Variants in URB1 observed in about 807,000 individuals in gnomAD.
URB1 encodes the protein nucleolar pre-ribosomal-associated protein 1.
A neutral mutation model predicts 242.3 loss-of-function variants in URB1; 197 were observed. That is an observed-to-expected ratio of 0.81 (90% CI 0.72 to 0.91). URB1 has a LOEUF of 0.91. Among genes scored for constraint, URB1 ranks in the 40% least tolerant of loss-of-function variants. URB1 has a pLI of 0.00. For synonymous variants in URB1, 1,153 were observed against 1,201.8 expected (o/e 0.96, Z 0.84); for missense variants, 2,721 against 2,860.5 (o/e 0.95, Z 1.11).
chr21:32,370,955 C>T (rs577125150), intron 8 of URB1, among the ~76,000 whole-genome samples: 35 of 152,174 alleles, frequency 2.3e-4, no homozygotes, highest in Admixed American at 5.2e-4. Context: ...AATAGACCAG[C>T]GCCCGTTCTC....
chr21:32,321,408 T>C (rs889277576), intron 34 of URB1, among the ~76,000 whole-genome samples: 2 of 152,144 alleles, frequency 1.3e-5, no homozygotes, highest in Non-Finnish European at 2.9e-5. Context: ...ATCCTGGTGA[T>C]TCAAAAGTGC....
chr21:32,387,998 T>G (rs1419624830), intron 1 of URB1, among the ~76,000 whole-genome samples: 1 of 152,252 alleles, frequency 6.6e-6, no homozygotes, highest in African/African-American at 2.4e-5. Context: ...TGAGCTCCAC[T>G]AGCTGAGCAG....
At chr21:32,351,838 T>C (rs2033161992) in intron 19 of URB1, among the ~76,000 whole-genome samples, 1 of 152,216 alleles carries the variant, frequency 6.6e-6, no homozygotes, top group Non-Finnish European at 1.5e-5. Flanking sequence ...GGCAACATTA[T>C]GGGTCAGGGC....
chr21:32,313,652 G>T lies in URB1; in HGVS notation c.*1266C>A, dbSNP rs2032629778. 1 of 152,196 alleles carries T rather than the reference G, an allele frequency of 6.6e-6. No homozygotes were observed. Among genetic ancestry groups the T allele is most frequent in the African/African-American group, 2.4e-5 (1 of 41,456 alleles). The allele number at this position is 152,196 out of a possible 1,614,324, so 9.4% of individuals were successfully genotyped here. On this transcript the variant is annotated 3_prime_UTR_variant, in exon 39 of 39. Transcript: ENST00000382751. ...TTCTAAAGAACACTGGTGGAAAATA[G>T]AAGTGTAAATGTTTCAGACAAAACC...
At chr21:32,324,769 T>A (rs931780339) in intron 31 of URB1, among the ~76,000 whole-genome samples, 167 bp from the exon 32 acceptor site, 2 of 152,200 alleles carry the variant, frequency 1.3e-5, no homozygotes, top group African/African-American at 4.8e-5. Flanking sequence ...CTTGCCAGCA[T>A]CTCCGGAACG....
At chr21:32,372,048 G>A (rs192261542) in intron 8 of URB1, among the ~76,000 whole-genome samples, 23 of 152,276 alleles carry the variant, frequency 1.5e-4, no homozygotes, top group Middle Eastern at 6.8e-3. Flanking sequence ...TTTGGAGCTG[G>A]ACTTCCTGGA....
intron 37 of URB1, among the ~76,000 whole-genome samples, chr21:32,317,416 C>A (rs1385733401): frequency 1.3e-5 from 2 of 152,166 alleles, no homozygotes; most frequent in African/African-American, 2.4e-5. Flanking sequence ...CTCATAGCTA[C>A]CCCCAGCCTC....
chr21:32,325,423 C>G, intron 30 of URB1, 34 bp from the exon 31 acceptor site: 1 of 1,525,424 alleles, frequency 6.6e-7, no homozygotes, highest in Non-Finnish European at 8.9e-7. Context: ...GAAACACACA[C>G]AATATGATTT....
chr21:32,386,232 CA>C (rs1385237167), intron 1 of URB1, among the ~76,000 whole-genome samples: 2 of 151,796 alleles, frequency 1.3e-5, no homozygotes, highest in African/African-American at 2.4e-5. Flanking sequence ...GGAGATAACT[CA>C]GGTTAAGTGA....
At chr21:32,382,301 A>C (rs1035595482) in intron 4 of URB1, among the ~76,000 whole-genome samples, 2 of 152,230 alleles carry the variant, frequency 1.3e-5, no homozygotes. Context: ...TTTTTATTAG[A>C]AACGTATTTA....
At chr21:32,337,548 G>C in intron 26 of URB1, 34 bp from the exon 27 acceptor site, 1 of 1,528,682 alleles carries the variant, frequency 6.5e-7, no homozygotes, top group Middle Eastern at 1.7e-4. Context: ...ACATGGCATG[G>C]TGGGGCAGAC....
intron 30 of URB1, among the ~76,000 whole-genome samples, chr21:32,330,207 T>G (rs973395714): frequency 9.3e-5 from 14 of 150,320 alleles, no homozygotes; most frequent in Non-Finnish European, 1.3e-4. Context: ...GTTTTTTTTT[T>G]TTTTTTTTTT....
chr21:32,324,196 GAATATAT>G (rs1435040813), intron 32 of URB1, among the ~76,000 whole-genome samples: 1 of 152,088 alleles, frequency 6.6e-6, no homozygotes, highest in African/African-American at 2.4e-5. Flanking sequence ...AAGCGAATAT[GAATATAT>G]ACTCTTTCCC....
intron 4 of URB1, among the ~76,000 whole-genome samples, chr21:32,380,877 T>G (rs1367907911): frequency 1.3e-5 from 2 of 152,236 alleles, no homozygotes; most frequent in Non-Finnish European, 2.9e-5. Context: ...CCAGGTTTTC[T>G]GCCATTCTAC....
At chr21:32,384,995 A>T in intron 2 of URB1, among the ~76,000 whole-genome samples, 1 of 129,748 alleles carries the variant, frequency 7.7e-6, no homozygotes, top group Non-Finnish European at 1.6e-5. Context: ...ATGAAAGAAA[A>T]GAAAAGAAAA....
chr21:32,347,940 C>A, intron 21 of URB1, 129 bp from the exon 22 acceptor site: 1 of 1,375,898 alleles, frequency 7.3e-7, no homozygotes, highest in Non-Finnish European at 9.6e-7. Flanking sequence ...TAATCCATTC[C>A]ATCCTCAAGC....
At position 32,312,461 on chromosome 21, in the gene URB1, C is replaced by A; in HGVS notation, c.*2457G>T. On this transcript the variant is annotated 3_prime_UTR_variant, in exon 39 of 39. Transcript: ENST00000382751. ...CCAGATGTGATGGCATCTGCCCTGCCAGGTCAGCTCACTGCAGTCTGGGGA... is the reference window on the plus strand; with the variant it reads ...CCAGATGTGATGGCATCTGCCCTGCAAGGTCAGCTCACTGCAGTCTGGGGA... 2.4e-6 allele frequency: 1 copy of A among 408,922 alleles called. No homozygotes were observed. Among genetic ancestry groups the A allele is most frequent in the Non-Finnish European group, 3.7e-6 (1 of 267,382 alleles). The allele number at this position is 408,922 out of a possible 1,614,324, so 25.3% of individuals were successfully genotyped here.
intron 4 of URB1, among the ~76,000 whole-genome samples, chr21:32,380,384 C>T (rs1340273250): frequency 6.6e-6 from 1 of 152,202 alleles, no homozygotes; most frequent in Non-Finnish European, 1.5e-5. Flanking sequence ...AAACTGAGAC[C>T]TTCAAACTAT....
At chr21:32,371,784 A>G (rs2033408163) in intron 8 of URB1, among the ~76,000 whole-genome samples, 1 of 152,116 alleles carries the variant, frequency 6.6e-6, no homozygotes, top group African/African-American at 2.4e-5. Context: ...GGAAAAAAGC[A>G]GATAGGATGA....
Sources: gnomAD v4.1 joint callset for allele counts (sites outside exome capture counted in the v4.1 genomes callset) on GRCh38, gnomAD v4.1.1 for gene constraint, MANE v1.5 for transcripts, NCBI Gene and HGNC (gene_info 2026-07-23, HGNC 2026-07-21) for gene names.